Variants in SIM2 observed in about 807,000 individuals in gnomAD.
SIM2 encodes SIM bHLH transcription factor 2.
SIM2 carries 28 observed loss-of-function variants against 64.8 expected under a neutral mutation model. That is an observed-to-expected ratio of 0.43 (90% CI 0.32 to 0.59). The LOEUF is 0.59. Ranked by LOEUF, SIM2 falls within the 20% of genes least tolerant of loss-of-function variation. The pLI is 0.07. For synonymous variants in SIM2, 408 were observed against 391.1 expected, an observed-to-expected ratio of 1.04 and a Z score of -0.51; for missense variants, 847 against 871.4, an observed-to-expected ratio of 0.97 and a Z score of 0.35.
chr21:36,738,373 T>C (rs1202504983), intron 7 of SIM2, among the ~76,000 whole-genome samples: 1 of 152,014 alleles, frequency 6.6e-6, no homozygotes, highest in East Asian at 1.9e-4. Context: ...GGTGTGGTCG[T>C]GGGTGCCTGT....
intron 9 of SIM2, 125 bp from the exon 10 acceptor site, chr21:36,744,603 T>C (rs2089205030): frequency 8.4e-7 from 1 of 1,191,104 alleles, no homozygotes; most frequent in Non-Finnish European, 1.1e-6. Context: ...GACCTTGCAG[T>C]GGTGGCGAGG....
chr21:36,731,318 CTGCCTGTTGTCGGTTCT>C (rs1348642202), intron 7 of SIM2, among the ~76,000 whole-genome samples, 167 bp downstream of exon 7: 55 of 151,132 alleles, frequency 3.6e-4, no homozygotes, highest in African/African-American at 1.3e-3. Context: ...TTAAGTACGG[CTGCCTGTTGTCGGTTCT>C]CAAGCAGCCA....
intron 5 of SIM2, among the ~76,000 whole-genome samples, chr21:36,725,802 G>A (rs979902587): frequency 1.3e-5 from 2 of 152,094 alleles, no homozygotes; most frequent in Admixed American, 6.5e-5. Context: ...TGTATTTTTT[G>A]TAGAGAAGGG....
chr21:36,734,826 C>T (rs1053510281), intron 7 of SIM2, among the ~76,000 whole-genome samples: 1 of 152,224 alleles, frequency 6.6e-6, no homozygotes, highest in African/African-American at 2.4e-5. Context: ...CCTCACTCTC[C>T]TTCCCAGGTA....
rs113892921 is a variant in SIM2, at chr21:36,745,729, A to C, written c.1576+593A>C. ...TACTCCCAAGGACACGACACACAGT[A>C]GGGACCTGCCCTGTACATGCTAGTT... On this transcript the variant is annotated intron_variant, in intron 10 of 10. Coordinates refer to ENST00000290399, the MANE Select transcript of SIM2 (RefSeq NM_005069.6). This position sits in a 1 kb window ranked among gnomAD's most constrained non-coding sequence, Gnocchi z 4.8. The C allele has an allele frequency of 5.5e-6, 7 of 1,281,808 alleles. No individual in the cohort carries two copies. The highest frequency in any genetic ancestry group is 7.2e-6 in the Non-Finnish European group (7 of 971,330). 79.4% of individuals were successfully genotyped at this position (1,281,808 alleles called of 1,614,324 possible).
chr21:36,744,690 C>G (rs750375707), intron 9 of SIM2, 38 bp from the exon 10 acceptor site: 6 of 1,525,718 alleles, frequency 3.9e-6, no homozygotes, highest in Non-Finnish European at 5.3e-6. Context: ...TCCTGCCGGC[C>G]CCTCGCTGGC....
rs569628867 is a variant in SIM2 at position 36,730,998 on chromosome 21, G to C, written c.744-47G>C. 1.7e-5 allele frequency: 22 copies of C among 1,329,988 alleles called. No individual in the cohort carries two copies. The South Asian group carries it at 2.2e-4, about 14-fold the overall frequency. The allele number at this position is 1,329,988 out of a possible 1,614,324, so 82.4% of individuals were successfully genotyped here. On this transcript the variant is annotated intron_variant, in intron 6 of 10. Coordinates refer to ENST00000290399, the MANE Select transcript of SIM2 (RefSeq NM_005069.6). ...AAACCAATATTAGTTTAAATGAAAG[G>C]CAGTCTGCAGAGTGGCGTAACTCAC...
intron 8 of SIM2, 101 bp from the exon 9 acceptor site, chr21:36,743,286 C>T (rs1211230967): frequency 3.1e-6 from 3 of 976,892 alleles, no homozygotes; most frequent in Non-Finnish European, 4.6e-6. Flanking sequence ...TGAAAAGACA[C>T]ACTGGAGCAC....
At chr21:36,743,579 TG>T in intron 9 of SIM2, 24 bp downstream of exon 9, 2 of 1,608,122 alleles carry the variant, frequency 1.2e-6, no homozygotes, top group Non-Finnish European at 1.7e-6. Flanking sequence ...CCTGCAGTTT[TG>T]GGGTGCTGAC....
chr21:36,713,531 G>C lies in SIM2; in HGVS notation c.348+909G>C, dbSNP rs535170076. Reference sequence around the variant, plus strand: ...TGTACTATCAGAGTGATTTTTCACCGTGACTGAAGACACACTAGAATTAAT... The same window carrying C: ...TGTACTATCAGAGTGATTTTTCACCCTGACTGAAGACACACTAGAATTAAT... On this transcript the variant is annotated intron_variant, in intron 3 of 10. Transcript: ENST00000290399. Among the ~76,000 whole-genome samples the C allele has an allele frequency of 2.0e-5, 3 of 152,250 alleles. No individual in the cohort carries two copies. In the East Asian group the frequency reaches 5.8e-4, roughly 29 times the overall value.
rs143502924 is a variant in SIM2, at chr21:36,719,874, T to A, written c.402T>A (p.Asp134Glu). ...IYEYIHPSDH[D>E]EMTAVLTAHQ... ...AATACATCCATCCTTCTGACCACGA[T>A]GAGATGACCGCTGTCCTCACGGCCC... The change falls in exon 4 of 11, where the codon GAT (aspartate) becomes GAA (glutamate). Residue 134 changes from aspartate to glutamate, a missense_variant. Transcript: ENST00000290399. The A allele has an allele frequency of 1.6e-5, 26 of 1,611,984 alleles. No individual in the cohort carries two copies. The African/African-American group carries it at 3.3e-4, about 21-fold the overall frequency.
At chr21:36,741,566 GCACA>G (rs967797656) in intron 7 of SIM2, 147 bp from the exon 8 acceptor site, 12 of 817,748 alleles carry the variant, frequency 1.5e-5, no homozygotes, top group Non-Finnish European at 2.1e-5. Flanking sequence ...CGCACGAGAC[GCACA>G]CAGACATGCA....
chr21:36,708,657 G>A (rs1295918335), intron 1 of SIM2, among the ~76,000 whole-genome samples: 2 of 152,206 alleles, frequency 1.3e-5, no homozygotes, highest in Non-Finnish European at 2.9e-5. Flanking sequence ...TATGCGGGAG[G>A]AGCTGCCTCC....
At chr21:36,722,680 G>A (rs1343510485) in intron 4 of SIM2, among the ~76,000 whole-genome samples, 1 of 152,206 alleles carries the variant, frequency 6.6e-6, no homozygotes, top group African/African-American at 2.4e-5. Flanking sequence ...CAAGCCTTGG[G>A]TCACACACAC....
chr21:36,707,427 C>G (rs1375741238), intron 1 of SIM2, among the ~76,000 whole-genome samples: 1 of 152,034 alleles, frequency 6.6e-6, no homozygotes, highest in Non-Finnish European at 1.5e-5. Flanking sequence ...CCGCTGCCCC[C>G]GTGGTGGAGG....
chr21:36,741,547 G>A (rs1022725162), intron 7 of SIM2, among the ~76,000 whole-genome samples, 170 bp from the exon 8 acceptor site: 20 of 152,260 alleles, frequency 1.3e-4, no homozygotes, highest in Non-Finnish European at 1.6e-4. Flanking sequence ...ACGCGTGTGT[G>A]TGTGTGCACG....
intron 8 of SIM2, among the ~76,000 whole-genome samples, chr21:36,742,686 G>A (rs1007978801): frequency 3.9e-5 from 6 of 152,154 alleles, no homozygotes; most frequent in African/African-American, 1.2e-4. Flanking sequence ...TTGCCATGCC[G>A]CCAGCCCCAT....
At chr21:36,723,820 T>G (rs192714457) in intron 5 of SIM2, among the ~76,000 whole-genome samples, 3 of 152,334 alleles carry the variant, frequency 2.0e-5, no homozygotes, top group African/African-American at 7.2e-5. Context: ...GAGTAGGTCA[T>G]GTCTCAGGGC....
chr21:36,730,925 A>G, intron 6 of SIM2, 120 bp from the exon 7 acceptor site: 1 of 703,758 alleles, frequency 1.4e-6, no homozygotes. Context: ...CTCAGTTTCC[A>G]AAATCAACAT....
Sources: gnomAD v4.1 joint callset for allele counts (sites outside exome capture counted in the v4.1 genomes callset) on GRCh38, gnomAD v4.1.1 for gene constraint, Gnocchi (gnomAD v3.1) non-coding constraint, MANE v1.5 for transcripts, NCBI Gene and HGNC (gene_info 2026-07-23, HGNC 2026-07-21) for gene names.